Variants in AGPAT4 observed in about 807,000 individuals in gnomAD.
The protein encoded by AGPAT4 is 1-acylglycerol-3-phosphate O-acyltransferase 4.
In AGPAT4, 15 loss-of-function variants were observed where a neutral mutation model predicts 48.0. The observed-to-expected ratio is 0.31, with a 90% confidence interval of 0.21 to 0.48. The LOEUF (loss-of-function observed/expected upper bound fraction) is 0.48, where lower values mean the gene tolerates loss of function less well. Among genes scored for constraint, AGPAT4 ranks in the 20% least tolerant of loss-of-function variants. The pLI is 0.99. For missense variants in AGPAT4, 314 were observed against 482.5 expected, an observed-to-expected ratio of 0.65 and a Z score of 3.27; for synonymous variants, 178 against 198.7, an observed-to-expected ratio of 0.90 and a Z score of 0.88.
rs1782198671 is a variant in AGPAT4, at chr6:161,233,944, G to A, written c.-89-1642C>T. On this transcript the variant is annotated intron_variant, in intron 1 of 8. Transcript: ENST00000320285. This position sits in a 1 kb window ranked among gnomAD's most constrained non-coding sequence, Gnocchi z 5.4. Reference sequence around the variant, plus strand: ...TTCAGAATAAGAAACTGAGGCAATGGTGAGGTTGGGCAACTTGCCTAAGCT... The same window carrying A: ...TTCAGAATAAGAAACTGAGGCAATGATGAGGTTGGGCAACTTGCCTAAGCT... Among the ~76,000 whole-genome samples, 1 of 152,228 alleles carries A rather than the reference G, an allele frequency of 6.6e-6. No individual in the cohort carries two copies. The highest frequency in any genetic ancestry group is 1.5e-5 in the Non-Finnish European group (1 of 68,042).
At chr6:161,160,972 G>A (rs1779912281) in intron 3 of AGPAT4, 1 of 456,538 alleles carries the variant, frequency 2.2e-6, no homozygotes, top group African/African-American at 2.0e-5. Context: ...CTAAACAGTT[G>A]CAGGAAGCAC....
In AGPAT4 at chr6:161,136,531, C is replaced by A. The variant is rs1391784567; in HGVS notation, c.*9G>T. 1 of 1,613,712 alleles carries A rather than the reference C, an allele frequency of 6.2e-7. No individual in the cohort carries two copies. Among genetic ancestry groups the A allele is most frequent in the African/African-American group, 1.3e-5 (1 of 75,052 alleles). ...CAAGGTTCCCTTCGGATGGTGACAC[C>A]TCCCTGAGTCAGTCATTCAGTTTCT... On this transcript the variant is annotated 3_prime_UTR_variant, in exon 9 of 9. Coordinates refer to ENST00000320285, the MANE Select transcript of AGPAT4 (RefSeq NM_020133.3).
chr6:161,243,448 T>C lies in AGPAT4; in HGVS notation c.-89-11146A>G, dbSNP rs1403871768. 6.6e-6 allele frequency among the ~76,000 whole-genome samples: 1 copy of C among 152,164 alleles called. No individual in the cohort carries two copies. The highest frequency in any genetic ancestry group is 1.5e-5 in the Non-Finnish European group (1 of 68,022). ...AGGACTGGCAGCTCACGTCAGAGCCTCGGCCATCCTGCGCACTTGGCCCAC... is the reference window on the plus strand; with the variant it reads ...AGGACTGGCAGCTCACGTCAGAGCCCCGGCCATCCTGCGCACTTGGCCCAC... On this transcript the variant is annotated intron_variant, in intron 1 of 8. Transcript: ENST00000320285. The surrounding 1 kb of genome is among the most constrained non-coding windows in gnomAD (Gnocchi z 4.8).
At chr6:161,192,881 A>C (rs1346637964) in intron 2 of AGPAT4, among the ~76,000 whole-genome samples, 4 of 152,322 alleles carry the variant, frequency 2.6e-5, no homozygotes, top group African/African-American at 9.6e-5. Context: ...GTTAGACTTT[A>C]GGGTGTCGCT....
rs117762852 is a variant in AGPAT4 at position 161,178,220 on chromosome 6, C to T, written c.179-11803G>A. Among the ~76,000 whole-genome samples, 644 of 152,082 alleles carry T rather than the reference C, an allele frequency of 4.2e-3. 2 individuals carry two copies. The highest frequency in any genetic ancestry group is 6.8e-3 in the Non-Finnish European group (465 of 67,908). On this transcript the variant is annotated intron_variant, in intron 2 of 8. Transcript: ENST00000320285. The surrounding 1 kb of genome is among the most constrained non-coding windows in gnomAD (Gnocchi z 5.1). ...TAAGTCTGCAGAAGTTTCTGCTGCC[C>T]TGCCCCCAGAGGTGGAGTCTACAGA...
chr6:161,241,218 G>A (rs553699586), intron 1 of AGPAT4, among the ~76,000 whole-genome samples: 9 of 143,762 alleles, frequency 6.3e-5, no homozygotes, highest in South Asian at 2.2e-4. Flanking sequence ...ACCCAAGATC[G>A]CGCCATTGCA....
rs1364235618 is a variant in AGPAT4, at chr6:161,255,200, AC to A, written c.-90+18737del. Among the ~76,000 whole-genome samples the A allele has an allele frequency of 6.6e-6, 1 of 152,192 alleles. No individual in the cohort carries two copies. The highest frequency in any genetic ancestry group is 1.5e-5 in the Non-Finnish European group (1 of 68,044). On this transcript the variant is annotated intron_variant, in intron 1 of 8. Coordinates refer to ENST00000320285, the MANE Select transcript of AGPAT4 (RefSeq NM_020133.3). The surrounding 1 kb of genome is among the most constrained non-coding windows in gnomAD (Gnocchi z 4.7). ...TCATTAGCTCTATGATAATGGCTTGACGTAGGTCCAAAGAGCAAAGGAACTT... is the reference window on the plus strand; with the variant it reads ...TCATTAGCTCTATGATAATGGCTTGAGTAGGTCCAAAGAGCAAAGGAACTT...
intron 1 of AGPAT4, among the ~76,000 whole-genome samples, chr6:161,269,319 C>A (rs961347965): frequency 6.6e-6 from 1 of 152,210 alleles, no homozygotes; most frequent in Non-Finnish European, 1.5e-5. Flanking sequence ...TATGCTCAAC[C>A]AGCATGGAAG....
rs750548842 is a variant in AGPAT4, at chr6:161,148,411, G to A, written c.767+776C>T. ...CCTGGACGTTTGGTGTGGCCTGGTG[G>A]GAATGTAGGGCCCCTGGATTTTCAG... On this transcript the variant is annotated intron_variant, in intron 6 of 8. Transcript: ENST00000320285. The surrounding 1 kb of genome is among the most constrained non-coding windows in gnomAD (Gnocchi z 5.5). Among the ~76,000 whole-genome samples the A allele has an allele frequency of 6.6e-6, 1 of 152,198 alleles. No homozygotes were observed. Among genetic ancestry groups the A allele is most frequent in the Non-Finnish European group, 1.5e-5 (1 of 68,042 alleles).
intron 5 of AGPAT4, among the ~76,000 whole-genome samples, chr6:161,151,124 G>A (rs1431333960): frequency 6.6e-6 from 1 of 152,244 alleles, no homozygotes; most frequent in East Asian, 1.9e-4. Context: ...ATCAGAAGGA[G>A]TGAGAGCAGC....
At chr6:161,247,926 G>T (rs1782700887) in intron 1 of AGPAT4, among the ~76,000 whole-genome samples, 1 of 136,788 alleles carries the variant, frequency 7.3e-6, no homozygotes, top group South Asian at 2.4e-4. Context: ...AGGTTGCAGA[G>T]AGCTGAGATT....
rs1782645387 is a variant in AGPAT4 at position 161,246,295 on chromosome 6, T to TGG, written c.-89-13994_-89-13993insCC. Among the ~76,000 whole-genome samples the TGG allele has an allele frequency of 6.6e-6, 1 of 152,236 alleles. No homozygotes were observed. The highest frequency in any genetic ancestry group is 1.5e-5 in the Non-Finnish European group (1 of 68,046). On this transcript the variant is annotated intron_variant, in intron 1 of 8. Coordinates refer to ENST00000320285, the MANE Select transcript of AGPAT4 (RefSeq NM_020133.3). This position sits in a 1 kb window ranked among gnomAD's most constrained non-coding sequence, Gnocchi z 5.5. ...TCCACTGAGAAGTATATTCATTCATTAGGTTCCCATCCAAGGAGCTACCCG... is the reference window on the plus strand; with the variant it reads ...TCCACTGAGAAGTATATTCATTCATTGGAGGTTCCCATCCAAGGAGCTACCCG...
rs957726803 is a variant in AGPAT4, at chr6:161,159,120, C to A, written c.349-4810G>T. Among the ~76,000 whole-genome samples, 7 of 152,220 alleles carry A rather than the reference C, an allele frequency of 4.6e-5. No individual in the cohort carries two copies. Among genetic ancestry groups the A allele is most frequent in the African/African-American group, 1.4e-4 (6 of 41,456 alleles). On this transcript the variant is annotated intron_variant, in intron 3 of 8. Coordinates refer to ENST00000320285, the MANE Select transcript of AGPAT4 (RefSeq NM_020133.3). The surrounding 1 kb of genome is among the most constrained non-coding windows in gnomAD (Gnocchi z 4.1). The stretch of plus-strand genomic sequence containing the variant: ...TTGAGTCCTTTGACTGTTTTCTTGA[C>A]TACCAGCTGGAGCCACTGTAGCAAA...
At chr6:161,162,491 T>C (rs904218174) in intron 3 of AGPAT4, among the ~76,000 whole-genome samples, 12 of 152,134 alleles carry the variant, frequency 7.9e-5, no homozygotes, top group Non-Finnish European at 4.4e-5. Flanking sequence ...TGGCGAGGGA[T>C]GGAGGCCGGG....
rs1188433973 is a variant in AGPAT4, at chr6:161,204,993, AC to A, written c.178+27042del. ...GTTGATGAAAAGACACTGGACAGAAACCAGGAAGGAAGCCAGCCTCAGCCTC... is the reference window on the plus strand; with the variant it reads ...GTTGATGAAAAGACACTGGACAGAAACAGGAAGGAAGCCAGCCTCAGCCTC... On this transcript the variant is annotated intron_variant, in intron 2 of 8. Coordinates refer to ENST00000320285, the MANE Select transcript of AGPAT4 (RefSeq NM_020133.3). The surrounding 1 kb of genome is among the most constrained non-coding windows in gnomAD (Gnocchi z 4.4). Among the ~76,000 whole-genome samples, 1 of 152,198 alleles carries A rather than the reference AC, an allele frequency of 6.6e-6. No homozygotes were observed. The highest frequency in any genetic ancestry group is 6.5e-5 in the Admixed American group (1 of 15,288).
chr6:161,203,508 C>T (rs1057202034), intron 2 of AGPAT4, among the ~76,000 whole-genome samples: 1 of 151,598 alleles, frequency 6.6e-6, no homozygotes, highest in Non-Finnish European at 1.5e-5. Context: ...CCTGCCCCGG[C>T]CCCCCAAGAA....
chr6:161,248,274 C>CA (rs1455845454), intron 1 of AGPAT4, among the ~76,000 whole-genome samples: 15 of 151,970 alleles, frequency 9.9e-5, no homozygotes, highest in Non-Finnish European at 2.1e-4. Context: ...ACAACTGCCA[C>CA]AAAAAAGAAT....
chr6:161,227,632 A>T (rs1782017808), intron 2 of AGPAT4, among the ~76,000 whole-genome samples: 1 of 152,254 alleles, frequency 6.6e-6, no homozygotes, highest in Non-Finnish European at 1.5e-5. Context: ...TCTTCCAGAT[A>T]GGAGCAGACC....
At chr6:161,268,743 A>C (rs1783337045) in intron 1 of AGPAT4, among the ~76,000 whole-genome samples, 1 of 152,228 alleles carries the variant, frequency 6.6e-6, no homozygotes, top group South Asian at 2.1e-4. Flanking sequence ...TCAGCCAAGC[A>C]GAGGAGTGTG....
Sources: allele counts gnomAD v4.1 joint callset (sites outside exome capture counted in the v4.1 genomes callset), GRCh38; gene constraint gnomAD v4.1.1; non-coding constraint Gnocchi (gnomAD v3.1); transcripts MANE v1.5; gene names NCBI Gene and HGNC (gene_info 2026-07-23, HGNC 2026-07-21).